The following KLF12 variants were observed in gnomAD, a reference collection of about 807,000 sequenced individuals.
KLF12 encodes Krueppel-like factor 12.
A neutral mutation model predicts 37.8 loss-of-function variants in KLF12; 9 were observed. That is an observed-to-expected ratio of 0.24 (90% CI 0.14 to 0.42). The LOEUF is 0.42. Ranked by LOEUF, KLF12 falls within the 10% of genes least tolerant of loss-of-function variation. KLF12 has a pLI of 1.00. For missense variants in KLF12, 411 were observed against 516.0 expected (o/e 0.80, Z 1.97); for synonymous variants, 208 against 202.1 (o/e 1.03, Z -0.25).
the KLF12 span, among the ~76,000 whole-genome samples, chr13:74,219,582 A>G: frequency 6.6e-6 from 1 of 152,206 alleles, no homozygotes; most frequent in Non-Finnish European, 1.5e-5. Flanking sequence ...AGTATATTCT[A>G]TTTAAAACAC....
At chr13:74,231,167 G>A in the KLF12 span, among the ~76,000 whole-genome samples, 1 of 151,714 alleles carries the variant, frequency 6.6e-6, no homozygotes, top group East Asian at 1.9e-4. Flanking sequence ...TCAGGTAAAT[G>A]TCACTCCTTG....
chr13:74,053,797 A>C (rs1240900820), intron 1 of KLF12, among the ~76,000 whole-genome samples: 2 of 152,202 alleles, frequency 1.3e-5, no homozygotes, highest in Non-Finnish European at 2.9e-5. Flanking sequence ...ATATCAGTAC[A>C]TTGTTAAGAG....
intron 3 of KLF12, among the ~76,000 whole-genome samples, chr13:73,877,412 A>G (rs2138921947): frequency 6.6e-6 from 1 of 152,284 alleles, no homozygotes; most frequent in East Asian, 1.9e-4. Flanking sequence ...GGAATCTTTT[A>G]GCTGAATGCT....
At chr13:74,200,804 TCA>T in the KLF12 span, among the ~76,000 whole-genome samples, 2 of 152,100 alleles carry the variant, frequency 1.3e-5, no homozygotes, top group Non-Finnish European at 2.9e-5. Context: ...GCCCTTTCTC[TCA>T]GTTTTTTAAT....
chr13:74,268,073 G>A, the KLF12 span, among the ~76,000 whole-genome samples: 5 of 152,222 alleles, frequency 3.3e-5, no homozygotes, highest in Non-Finnish European at 7.4e-5. Flanking sequence ...TCTGGACCCC[G>A]GAACTGTGAG....
intron 2 of KLF12, among the ~76,000 whole-genome samples, chr13:73,951,256 G>A (rs1890636295): frequency 6.6e-6 from 1 of 152,160 alleles, no homozygotes; most frequent in Non-Finnish European, 1.5e-5. Flanking sequence ...TTGAAGGCCA[G>A]TCACTGTTCC....
the KLF12 span, among the ~76,000 whole-genome samples, chr13:74,226,781 T>C: frequency 6.6e-6 from 1 of 152,198 alleles, no homozygotes; most frequent in African/African-American, 2.4e-5. Flanking sequence ...CCAGCTAAAC[T>C]GGGAAAGGTA....
chr13:73,709,752 G>C (rs2098639519), intron 7 of KLF12, among the ~76,000 whole-genome samples: 1 of 152,212 alleles, frequency 6.6e-6, no homozygotes, highest in Non-Finnish European at 1.5e-5. Flanking sequence ...AGGACATTTA[G>C]ATTTAACTGT....
chr13:73,928,570 T>C (rs1889515622), intron 3 of KLF12, among the ~76,000 whole-genome samples: 1 of 152,190 alleles, frequency 6.6e-6, no homozygotes, highest in Admixed American at 6.5e-5. Context: ...CAAGCCTAAA[T>C]TAACCAAATC....
the KLF12 span, among the ~76,000 whole-genome samples, chr13:74,189,877 T>C: frequency 3.3e-5 from 5 of 152,176 alleles, no homozygotes; most frequent in African/African-American, 1.2e-4. Flanking sequence ...AAAATGACTT[T>C]AAACATTAAA....
intron 5 of KLF12, among the ~76,000 whole-genome samples, chr13:73,786,757 C>CAAAAAAAAAA (rs10568058): frequency 6.7e-5 from 8 of 119,184 alleles, no homozygotes; most frequent in East Asian, 2.5e-4. Context: ...ATTACAAATA[C>CAAAAAAAAAA]AAAAAAAAAA....
At chr13:74,165,795 T>C in the KLF12 span, among the ~76,000 whole-genome samples, 10 of 152,288 alleles carry the variant, frequency 6.6e-5, no homozygotes, top group Admixed American at 3.3e-4. Flanking sequence ...GGACCAACCA[T>C]TCACAGAAGA....
the KLF12 span, among the ~76,000 whole-genome samples, chr13:74,253,548 AT>A: frequency 4.2e-3 from 647 of 152,278 alleles, 3 homozygotes; most frequent in African/African-American, 0.013. Flanking sequence ...ATATGTAAAA[AT>A]ATCTTTAAGT....
chr13:74,072,920 A>G (rs1194812539), intron 1 of KLF12, among the ~76,000 whole-genome samples: 2 of 152,176 alleles, frequency 1.3e-5, no homozygotes, highest in African/African-American at 4.8e-5. Flanking sequence ...CTTGCACTAT[A>G]GTTCCCATGA....
intron 5 of KLF12, among the ~76,000 whole-genome samples, chr13:73,784,918 G>A (rs1191812649): frequency 2.0e-5 from 3 of 151,878 alleles, no homozygotes; most frequent in Admixed American, 2.0e-4. Context: ...TTACAGGTGT[G>A]AGCCACTGCG....
intron 1 of KLF12, among the ~76,000 whole-genome samples, chr13:74,017,695 C>T (rs1892734198): frequency 6.6e-6 from 1 of 151,362 alleles, no homozygotes; most frequent in African/African-American, 2.4e-5. Flanking sequence ...TCAAAAAAGA[C>T]AGAAATGATA....
At chr13:73,914,979 A>G (rs752043935) in intron 3 of KLF12, among the ~76,000 whole-genome samples, 4 of 152,254 alleles carry the variant, frequency 2.6e-5, no homozygotes, top group Non-Finnish European at 4.4e-5. Context: ...AACTTATCCT[A>G]TTTTAATTCT....
intron 5 of KLF12, among the ~76,000 whole-genome samples, chr13:73,767,019 C>G (rs1879961667): frequency 6.6e-6 from 1 of 152,132 alleles, no homozygotes; most frequent in South Asian, 2.1e-4. Flanking sequence ...CAAATAATTA[C>G]AAGGTTTCCT....
the KLF12 span, among the ~76,000 whole-genome samples, chr13:74,214,388 A>T: frequency 1.2e-3 from 189 of 152,264 alleles, no homozygotes; most frequent in Non-Finnish European, 1.9e-3. Flanking sequence ...CTTATTTTGA[A>T]GATTCAGTGT....
Sources: gnomAD v4.1 joint callset for allele counts (sites outside exome capture counted in the v4.1 genomes callset) on GRCh38, gnomAD v4.1.1 for gene constraint, MANE v1.5 for transcripts, NCBI Gene and HGNC (gene_info 2026-07-23, HGNC 2026-07-21) for gene names.